The following AKT3 variants were observed in gnomAD, a reference collection of about 807,000 sequenced individuals.
The protein encoded by AKT3 is RAC-gamma serine/threonine-protein kinase.
A neutral mutation model predicts 65.3 loss-of-function variants in AKT3; 15 were observed. The ratio of observed to expected loss-of-function variants is 0.23; its 90% CI spans 0.15 to 0.35. AKT3 has a LOEUF of 0.35. Among genes scored for constraint, AKT3 ranks in the 10% least tolerant of loss-of-function variants. The pLI is 1.00. For synonymous variants in AKT3, 206 were observed against 183.8 expected (o/e 1.12, Z -0.98); for missense variants, 243 against 576.5 (o/e 0.42, Z 5.92).
chr1:243,632,502 G>T (rs1679681842), intron 6 of AKT3, among the ~76,000 whole-genome samples: 1 of 152,172 alleles, frequency 6.6e-6, no homozygotes, highest in Admixed American at 6.5e-5. Context: ...TAAGAGAACA[G>T]GCAGTGTAGA....
At chr1:243,640,514 C>G (rs1055314899) in intron 5 of AKT3, among the ~76,000 whole-genome samples, 3 of 152,196 alleles carry the variant, frequency 2.0e-5, no homozygotes, top group Non-Finnish European at 4.4e-5. Flanking sequence ...CGTTCTCTCT[C>G]TTGGAAAGCT....
At chr1:243,665,414 T>A (rs992815710) in intron 3 of AKT3, among the ~76,000 whole-genome samples, 2 of 152,196 alleles carry the variant, frequency 1.3e-5, no homozygotes, top group Non-Finnish European at 2.9e-5. Context: ...ATATCACTTA[T>A]CCTTACCTAG....
At chr1:243,551,748 A>G (rs571332422) in intron 11 of AKT3, among the ~76,000 whole-genome samples, 1 of 152,270 alleles carries the variant, frequency 6.6e-6, no homozygotes, top group African/African-American at 2.4e-5. Context: ...ATCCATATAC[A>G]AACACACATA....
rs527935701 is a variant in AKT3 at position 243,515,027 on chromosome 1, G to T, written c.1252-2601C>A. Among the ~76,000 whole-genome samples the T allele has an allele frequency of 2.0e-5, 3 of 152,304 alleles. No homozygotes were observed. The South Asian group carries it at 6.2e-4, about 32-fold the overall frequency. ...ATGACTGATTTGCTTGTATTTTAAA[G>T]AATTTTATGCAAATGGATCATAGAG... On this transcript the variant is annotated intron_variant, in intron 12 of 13. Coordinates refer to ENST00000673466, the MANE Select transcript of AKT3 (RefSeq NM_005465.7).
intron 2 of AKT3, among the ~76,000 whole-genome samples, chr1:243,812,518 A>G (rs902747776): frequency 1.4e-4 from 22 of 152,188 alleles, no homozygotes; most frequent in Non-Finnish European, 1.6e-4. Flanking sequence ...AAAAGTCAGG[A>G]AACAACAGGT....
At chr1:243,792,219 G>A (rs1019325277) in intron 2 of AKT3, among the ~76,000 whole-genome samples, 7 of 151,984 alleles carry the variant, frequency 4.6e-5, no homozygotes, top group Non-Finnish European at 8.8e-5. Context: ...AATAACAAAG[G>A]CTACCATCAT....
chr1:243,489,196 A>C, intron 13 of AKT3: 2 of 1,596,238 alleles, frequency 1.3e-6, no homozygotes, highest in Non-Finnish European at 1.7e-6. Context: ...CTACAGGTGG[A>C]TCTTTTATGC....
intron 8 of AKT3, among the ~76,000 whole-genome samples, chr1:243,590,435 A>T (rs1676143795): frequency 6.6e-6 from 1 of 152,222 alleles, no homozygotes. Flanking sequence ...CCCAAGAACA[A>T]ATGATTTAGC....
At chr1:243,556,572 C>A (rs962632633) in intron 10 of AKT3, among the ~76,000 whole-genome samples, 1 of 152,012 alleles carries the variant, frequency 6.6e-6, no homozygotes, top group Admixed American at 6.6e-5. Context: ...CCTGACAGAA[C>A]AGATGGGGGA....
intron 3 of AKT3, among the ~76,000 whole-genome samples, chr1:243,691,762 G>C (rs892344940): frequency 6.6e-6 from 1 of 152,198 alleles, no homozygotes; most frequent in Non-Finnish European, 1.5e-5. Flanking sequence ...GAGATGTCCA[G>C]CAGCCAATTG....
At chr1:243,619,116 G>A (rs991011028) in intron 6 of AKT3, among the ~76,000 whole-genome samples, 10 of 152,016 alleles carry the variant, frequency 6.6e-5, no homozygotes, top group Non-Finnish European at 1.0e-4. Context: ...GACACATTCC[G>A]TCTAAACCAT....
intron 12 of AKT3, among the ~76,000 whole-genome samples, chr1:243,543,574 C>A (rs796504844): frequency 3.3e-5 from 5 of 152,126 alleles, no homozygotes; most frequent in Non-Finnish European, 5.9e-5. Flanking sequence ...CTGGGAGAGA[C>A]AGCAAGCCCT....
intron 2 of AKT3, among the ~76,000 whole-genome samples, chr1:243,828,641 AT>A (rs1694318959): frequency 6.6e-6 from 1 of 152,020 alleles, no homozygotes; most frequent in African/African-American, 2.4e-5. Flanking sequence ...TCTTAATAAC[AT>A]TTTTTCTCTT....
rs1162877966 is a variant in AKT3, at chr1:243,551,896, T to C, written c.1163+833A>G. ...AAGAGCCATAGAGTTCTTCAATTCATAGCTGTAGCTACAAAAACAGAAATT... is the reference window on the plus strand; with the variant it reads ...AAGAGCCATAGAGTTCTTCAATTCACAGCTGTAGCTACAAAAACAGAAATT... On this transcript the variant is annotated intron_variant, in intron 11 of 13. Transcript: ENST00000673466. 4.6e-5 allele frequency among the ~76,000 whole-genome samples: 7 copies of C among 152,190 alleles called. 1 individual carries two copies.
At chr1:243,498,451 CGAG>C (rs1403858252), downstream of AKT3, among the ~76,000 whole-genome samples, 10 of 152,116 alleles carry the variant, frequency 6.6e-5, no homozygotes, top group African/African-American at 2.4e-4. Context: ...GGCAGGTTTA[CGAG>C]GAGGAGTGAG....
chr1:243,576,718 A>G (rs544675707), intron 8 of AKT3, among the ~76,000 whole-genome samples: 8 of 152,360 alleles, frequency 5.3e-5, no homozygotes, highest in Admixed American at 3.9e-4. Flanking sequence ...GCTCAAGGAA[A>G]TAAGAGAGAA....
Position 243,762,566 on chromosome 1 carries a change from C to T in AKT3, c.47-66850G>A, listed in dbSNP as rs1358809198. Among the ~76,000 whole-genome samples the T allele has an allele frequency of 3.6e-4, 55 of 151,988 alleles. 1 individual carries two copies. The highest frequency in any genetic ancestry group is 4.4e-5 in the Non-Finnish European group (3 of 67,914). On this transcript the variant is annotated intron_variant, in intron 2 of 13. Transcript: ENST00000673466. ...CTATTAACATACTTTCTCTCAAACC[C>T]TTCGTTTCAATCATAAGTCCCACTT...
chr1:243,832,630 C>G (rs1467024394), intron 2 of AKT3, among the ~76,000 whole-genome samples: 1 of 152,136 alleles, frequency 6.6e-6, no homozygotes, highest in East Asian at 1.9e-4. Flanking sequence ...GAGATTCGCA[C>G]TGATGTGGCT....
At chr1:243,629,106 G>T (rs560711642) in intron 6 of AKT3, among the ~76,000 whole-genome samples, 1 of 152,022 alleles carries the variant, frequency 6.6e-6, no homozygotes, top group Admixed American at 6.5e-5. Context: ...GTGAAACCCC[G>T]CCTCTACTAA....
Sources: allele counts gnomAD v4.1 joint callset (sites outside exome capture counted in the v4.1 genomes callset), GRCh38; gene constraint gnomAD v4.1.1; transcripts MANE v1.5; gene names NCBI Gene and HGNC (gene_info 2026-07-23, HGNC 2026-07-21).